Variants in PIEZO2 observed in about 807,000 individuals in gnomAD.
PIEZO2 encodes the protein piezo type mechanosensitive ion channel component 2, also known as piezo-type mechanosensitive ion channel component 2.
In PIEZO2, 172 loss-of-function variants were observed where a neutral mutation model predicts 337.3. The ratio of observed to expected loss-of-function variants is 0.51; its 90% CI spans 0.45 to 0.58. The LOEUF (loss-of-function observed/expected upper bound fraction) is 0.58, where lower values mean the gene tolerates loss of function less well. Ranked by LOEUF, PIEZO2 falls within the 20% of genes least tolerant of loss-of-function variation. The pLI is 0.00. For missense variants in PIEZO2, 3,028 were observed against 3,391.3 expected (o/e 0.89, Z 2.66); for synonymous variants, 1,251 against 1,228.5 (o/e 1.02, Z -0.38).
chr18:11,143,190 C>T lies in PIEZO2; in HGVS notation c.64+5335G>A. On this transcript the variant is annotated intron_variant, in intron 1 of 55. Transcript: ENST00000674853. This position sits in a 1 kb window ranked among gnomAD's most constrained non-coding sequence, Gnocchi z 4.9. ...ATGTCCTCAAGACAACGGTTTAAAT[C>T]AAAAATCTTATAAGCTGTAATGTTG... 6.6e-6 allele frequency among the ~76,000 whole-genome samples: 1 copy of T among 152,044 alleles called. No individual in the cohort carries two copies. Among genetic ancestry groups the T allele is most frequent in the East Asian group, 1.9e-4 (1 of 5,196 alleles).
At chr18:10,994,841 G>A (rs536672590) in intron 2 of PIEZO2, among the ~76,000 whole-genome samples, 1 of 151,918 alleles carries the variant, frequency 6.6e-6, no homozygotes, top group African/African-American at 2.4e-5. Context: ...CAGCACTTTG[G>A]GAGGCCAAAG....
chr18:11,093,268 C>T (rs560553162), intron 1 of PIEZO2, among the ~76,000 whole-genome samples: 4 of 152,336 alleles, frequency 2.6e-5, no homozygotes, highest in East Asian at 3.9e-4. Context: ...CAAGCCAGAT[C>T]CCCAGCCAAC....
rs2034311845 is a variant in PIEZO2 at position 10,973,238 on chromosome 18, C to A, written c.286+6297G>T. Among the ~76,000 whole-genome samples the A allele has an allele frequency of 6.6e-6, 1 of 152,228 alleles. No homozygotes were observed. The highest frequency in any genetic ancestry group is 6.5e-5 in the Admixed American group (1 of 15,290). Reference sequence around the variant, plus strand: ...TGTCATGCAGTGCTACCACTCAGCTCGCCTTCGTGCCTGTGTCTAGCTTTT... The same window carrying A: ...TGTCATGCAGTGCTACCACTCAGCTAGCCTTCGTGCCTGTGTCTAGCTTTT... On this transcript the variant is annotated intron_variant, in intron 3 of 55. Transcript: ENST00000674853. The surrounding 1 kb of genome is among the most constrained non-coding windows in gnomAD (Gnocchi z 4.9).
chr18:10,725,387 C>T, intron 36 of PIEZO2: 1 of 1,606,046 alleles, frequency 6.2e-7, no homozygotes. Flanking sequence ...TGGAGAACAG[C>T]CGGCCCACAT....
At chr18:10,839,781 T>A (rs1241802878) in intron 7 of PIEZO2, among the ~76,000 whole-genome samples, 1 of 152,220 alleles carries the variant, frequency 6.6e-6, no homozygotes, top group Non-Finnish European at 1.5e-5. Flanking sequence ...AGTATCATTT[T>A]TTTTTACCAG....
At chr18:11,106,320 G>A (rs1351362726) in intron 1 of PIEZO2, among the ~76,000 whole-genome samples, 4 of 148,130 alleles carry the variant, frequency 2.7e-5, no homozygotes, top group East Asian at 2.0e-4. Flanking sequence ...GGATGGTCTC[G>A]ATCTCCTGAC....
At position 10,856,969 on chromosome 18, in the gene PIEZO2, T is replaced by G. The variant is rs927592027; in HGVS notation, c.703+32A>C. 5.2e-6 allele frequency: 8 copies of G among 1,526,706 alleles called. No homozygotes were observed. The highest frequency in any genetic ancestry group is 2.7e-5 in the African/African-American group (2 of 72,812). The allele number at this position is 1,526,706 out of a possible 1,614,324, so 94.6% of individuals were successfully genotyped here. A position where few individuals can be genotyped will look rare whatever the true frequency, so the allele number is the denominator to read the frequency against. On this transcript the variant is annotated intron_variant, in intron 6 of 55. Coordinates refer to ENST00000674853, the MANE Select transcript of PIEZO2 (RefSeq NM_001378183.1). This position sits in a 1 kb window ranked among gnomAD's most constrained non-coding sequence, Gnocchi z 4.7. ...TCACCAAAGCACTGCTTGTGCCTTT[T>G]GCTACGTGCAGCCAGTGTGGGAGAC...
chr18:10,675,041 G>A (rs746138189), intron 54 of PIEZO2, among the ~76,000 whole-genome samples, 168 bp downstream of exon 54: 1 of 152,226 alleles, frequency 6.6e-6, no homozygotes, highest in Non-Finnish European at 1.5e-5. Flanking sequence ...CCAGGTGAGT[G>A]AGTGACTCCT....
chr18:10,917,305 T>C (rs576049143), intron 3 of PIEZO2, among the ~76,000 whole-genome samples: 2 of 152,288 alleles, frequency 1.3e-5, no homozygotes, highest in South Asian at 4.1e-4. Context: ...CTTTATTTCC[T>C]TAGACAAGTT....
Position 11,147,299 on chromosome 18 carries a change from C to G in PIEZO2, c.64+1226G>C, listed in dbSNP as rs542525715. Among the ~76,000 whole-genome samples the G allele has an allele frequency of 3.4e-4, 52 of 152,286 alleles. 1 individual carries two copies. The South Asian group carries it at 0.01, about 30-fold the overall frequency. On this transcript the variant is annotated intron_variant, in intron 1 of 55. Coordinates refer to ENST00000674853, the MANE Select transcript of PIEZO2 (RefSeq NM_001378183.1). ...CCCTCCTGCTGCCCCGGGACCCCGC[C>G]TGGCCACACCTTCCCTCCACTCGGA...
intron 7 of PIEZO2, among the ~76,000 whole-genome samples, chr18:10,814,463 G>A (rs1258553492): frequency 1.3e-5 from 2 of 152,114 alleles, no homozygotes; most frequent in Admixed American, 1.3e-4. Flanking sequence ...TCCTTTAATT[G>A]AAATGAATGG....
chr18:10,963,993 T>A (rs264200), intron 3 of PIEZO2, among the ~76,000 whole-genome samples: 78,327 of 151,844 alleles, frequency 0.52, 20,570 homozygotes, highest in African/African-American at 0.58. Context: ...TCTACAAGGT[T>A]CCCAAGAAAC....
intron 36 of PIEZO2, chr18:10,725,526 G>A: frequency 1.4e-6 from 2 of 1,408,112 alleles, no homozygotes; most frequent in Non-Finnish European, 1.9e-6. Flanking sequence ...GGAGTCGTGG[G>A]AAGGAGGGGC....
In PIEZO2 at chr18:10,706,771, G is replaced by A. The variant is rs28496670; in HGVS notation, c.5589-1025C>T. ...CCTCAGACACATCCAGCCACGGACG[G>A]GAGAGGGGCAAAACCCACCTGGAGA... On this transcript the variant is annotated intron_variant, in intron 40 of 55. Coordinates refer to ENST00000674853, the MANE Select transcript of PIEZO2 (RefSeq NM_001378183.1). 4.6e-3 allele frequency among the ~76,000 whole-genome samples: 696 copies of A among 152,292 alleles called. 4 individuals are homozygous for A. The highest frequency in any genetic ancestry group is 0.016 in the African/African-American group (668 of 41,568).
At chr18:10,742,047 C>T (rs1027089251) in intron 32 of PIEZO2, among the ~76,000 whole-genome samples, 21 of 151,938 alleles carry the variant, frequency 1.4e-4, no homozygotes, top group African/African-American at 4.8e-4. Flanking sequence ...CCCAGCTACT[C>T]GGGAGGCTGA....
At chr18:10,675,749 CAT>C (rs1245563936) in intron 53 of PIEZO2, among the ~76,000 whole-genome samples, 5 of 152,174 alleles carry the variant, frequency 3.3e-5, no homozygotes, top group African/African-American at 1.2e-4. Context: ...GTAATCCCCA[CAT>C]GTTATGGGAG....
intron 30 of PIEZO2, among the ~76,000 whole-genome samples, chr18:10,745,101 A>G (rs2037371485): frequency 1.3e-5 from 2 of 152,026 alleles, no homozygotes; most frequent in African/African-American, 4.8e-5. Flanking sequence ...CAGAGGGAAC[A>G]CAAATCTTAA....
chr18:10,696,176 A>C lies in PIEZO2; in HGVS notation c.7088T>G (p.Leu2363Arg). The change falls in exon 47 of 56, where the codon CTC (leucine) becomes CGC (arginine). Residue 2363 changes from leucine to arginine, a missense_variant. Coordinates refer to ENST00000674853, the MANE Select transcript of PIEZO2 (RefSeq NM_001378183.1). ...QFGTMVVDRA[L>R]YLRKTVLGKV... ...TCCCAGTACAGTCTTCCTGAGGTAG[A>C]GGGCTCGGTCCACCACCATGGTTCC... is the stretch of plus-strand genomic sequence containing the variant. 6.2e-7 allele frequency: 1 copy of C among 1,614,008 alleles called. No homozygotes were observed. The highest frequency in any genetic ancestry group is 2.2e-5 in the East Asian group (1 of 44,870).
chr18:10,748,454 T>C lies in PIEZO2; in HGVS notation c.4424+17A>G. 2.0e-6 allele frequency: 3 copies of C among 1,536,156 alleles called. No homozygotes were observed. Among genetic ancestry groups the C allele is most frequent in the South Asian group, 2.4e-5 (2 of 83,858 alleles). On this transcript the variant is annotated intron_variant, in intron 30 of 55. Transcript: ENST00000674853. The surrounding 1 kb of genome is among the most constrained non-coding windows in gnomAD (Gnocchi z 5.1). ...AGTTTCCTGGGAGAAACCACCTGAT[T>C]TCATGGCCTGACCCACCTTGATGCC...
Sources: gnomAD v4.1 joint callset for allele counts (sites outside exome capture counted in the v4.1 genomes callset) on GRCh38, gnomAD v4.1.1 for gene constraint, Gnocchi (gnomAD v3.1) non-coding constraint, MANE v1.5 for transcripts, NCBI Gene and HGNC (gene_info 2026-07-23, HGNC 2026-07-21) for gene names.